GIGYF1: variants seen among roughly 807,000 people sequenced by gnomAD.
GIGYF1 encodes GRB10-interacting GYF protein 1.
A neutral mutation model predicts 147.1 loss-of-function variants in GIGYF1; 84 were observed. The observed-to-expected ratio is 0.57, with a 90% confidence interval of 0.48 to 0.68. The LOEUF (loss-of-function observed/expected upper bound fraction) is 0.68, where lower values mean the gene tolerates loss of function less well. Ranked by LOEUF, GIGYF1 falls within the 30% of genes least tolerant of loss-of-function variation. GIGYF1 has a pLI of 0.00. For synonymous variants in GIGYF1, 752 were observed against 589.5 expected, an observed-to-expected ratio of 1.28 and a Z score of -3.99; for missense variants, 1,485 against 1,393.7, an observed-to-expected ratio of 1.07 and a Z score of -1.04.
intron 21 of GIGYF1, 37 bp from the exon 22 acceptor site, chr7:100,683,267 T>C: frequency 2.5e-6 from 4 of 1,613,446 alleles, no homozygotes; most frequent in Non-Finnish European, 1.7e-6. Flanking sequence ...CTGGCGAGGG[T>C]TGTCCACCCA....
At chr7:100,692,172 G>C (rs1458997625) in intron 1 of GIGYF1, among the ~76,000 whole-genome samples, 1 of 152,208 alleles carries the variant, frequency 6.6e-6, no homozygotes, top group Non-Finnish European at 1.5e-5. Flanking sequence ...AGCGTGGTAG[G>C]GTGAGGACGC....
Position 100,688,199 on chromosome 7 carries a change from C to T in GIGYF1, c.35+5G>A. The T allele has an allele frequency of 6.2e-7, 1 of 1,612,320 alleles. No individual in the cohort carries two copies. ...TCCACGGCAGCCGAGGCACAAGTGA[C>T]TCACCACTCAGGCCCAAAGTTGAGT... is the stretch of plus-strand genomic sequence containing the variant. On this transcript the variant is annotated splice_donor_5th_base_variant and intron_variant, in intron 4 of 26. Coordinates refer to ENST00000678049, the MANE Select transcript of GIGYF1 (RefSeq NM_001375765.1).
Position 100,682,412 on chromosome 7 carries a change from GCTTCAGCAGCTTCTCTTCTTCCTCCGT to G in GIGYF1, c.2644_2670del (p.Thr882_Lys890del). On this transcript the variant is annotated inframe_deletion, in exon 24 of 27. Transcript: ENST00000678049. Reference sequence around the variant, plus strand: ...TGGGGCCTGGGAATGCCCTGCAGCAGCTTCAGCAGCTTCTCTTCTTCCTCCGTCTTTTTGCGAATGGGCCGACCCGAT... The same window carrying G: ...TGGGGCCTGGGAATGCCCTGCAGCAGCTTTTTGCGAATGGGCCGACCCGAT... 6.2e-7 allele frequency: 1 copy of G among 1,613,720 alleles called. No homozygotes were observed. Among genetic ancestry groups the G allele is most frequent in the Non-Finnish European group, 8.5e-7 (1 of 1,179,984 alleles).
chr7:100,686,711 C>CCCT lies in GIGYF1; in HGVS notation c.629_631dup (p.Glu210dup), dbSNP rs749519464. The CCCT allele has an allele frequency of 9.7e-5, 156 of 1,612,088 alleles. No individual in the cohort carries two copies. The highest frequency in any genetic ancestry group is 5.3e-4 in the African/African-American group (40 of 74,954). ...GGGCCCTGCTCCGAGCCTCCAGCTG[C>CCCT]CCTCCTCCTCCTCCTCCTGTTCCTC... On this transcript the variant is annotated inframe_insertion, in exon 10 of 27. Transcript: ENST00000678049.
In GIGYF1 at chr7:100,687,999, G is replaced by C. The variant is rs746091661; in HGVS notation, c.147C>G (p.Leu49=). 6.2e-7 allele frequency: 1 copy of C among 1,613,000 alleles called. No homozygotes were observed. The highest frequency in any genetic ancestry group is 1.7e-5 in the Admixed American group (1 of 59,950). Residue 49 remains leucine (L), a synonymous_variant, in exon 5 of 27, where the codon CTC becomes CTG. Transcript: ENST00000678049. ...CACCCACCTTGTTCTCCTTGACGTA[G>C]AGAGCCAGCATTTCCTCTCGCCCAT... The part of the protein sequence containing the change: ...YRYGREEMLA[L]YVKENKVPEE...
rs2131373066 is a variant in GIGYF1 at position 100,683,625 on chromosome 7, C to T, written c.1977G>A (p.Glu659=). The T allele has an allele frequency of 1.2e-6, 2 of 1,614,146 alleles. No individual in the cohort carries two copies. Among genetic ancestry groups the T allele is most frequent in the Non-Finnish European group, 1.7e-6 (2 of 1,179,948 alleles). The change falls in exon 20 of 27, where the codon GAG becomes GAA. Residue 659 remains glutamate, a synonymous_variant. Coordinates refer to ENST00000678049, the MANE Select transcript of GIGYF1 (RefSeq NM_001375765.1). Reference sequence around the variant, plus strand: ...TAATTGGTATGTCCCAAAGACTGGCCTCACCACCTGCAGGGGGCAGGGGGG... The same window carrying T: ...TAATTGGTATGTCCCAAAGACTGGCTTCACCACCTGCAGGGGGCAGGGGGG... ...HTSASSQSGG[E]ASLWDIPINS...
intron 8 of GIGYF1, 65 bp downstream of exon 8, chr7:100,687,233 G>C: frequency 6.6e-7 from 1 of 1,516,930 alleles, no homozygotes; most frequent in African/African-American, 1.4e-5. Context: ...ACCCTCTAGC[G>C]ACAGGGCCCA....
chr7:100,681,369 A>AAC lies in GIGYF1; in HGVS notation c.*349_*350insGT, dbSNP rs1804738634. 1 of 185,646 alleles carries AAC rather than the reference A, an allele frequency of 5.4e-6. No individual in the cohort carries two copies. Among genetic ancestry groups the AAC allele is most frequent in the Non-Finnish European group, 1.1e-5 (1 of 92,338 alleles). 11.5% of individuals were successfully genotyped at this position (185,646 alleles called of 1,614,324 possible). Reference sequence around the variant, plus strand: ...CATCTTTTTTTCTTAAAAAAAAAAAAAAAACCAAAAAACAAAAACCTCTGT... The same window carrying AAC: ...CATCTTTTTTTCTTAAAAAAAAAAAAACAAAACCAAAAAACAAAAACCTCTGT... On this transcript the variant is annotated 3_prime_UTR_variant, in exon 27 of 27. Coordinates refer to ENST00000678049, the MANE Select transcript of GIGYF1 (RefSeq NM_001375765.1).
chr7:100,693,759 C>A (rs982997262), intron 1 of GIGYF1, among the ~76,000 whole-genome samples: 1 of 151,650 alleles, frequency 6.6e-6, no homozygotes, highest in Non-Finnish European at 1.5e-5. Context: ...GAAGGCAGCG[C>A]GCCGGCCCGG....
At position 100,681,624 on chromosome 7, in the gene GIGYF1, T is replaced by G. The variant is rs1010739223; in HGVS notation, c.*95A>C. ...TGGGGACCCCGCCCCTGCCTCTTCCTGTGCTCTCTGCGGGGAGCCTGCAGG... is the reference window on the plus strand; with the variant it reads ...TGGGGACCCCGCCCCTGCCTCTTCCGGTGCTCTCTGCGGGGAGCCTGCAGG... On this transcript the variant is annotated 3_prime_UTR_variant, in exon 27 of 27. Coordinates refer to ENST00000678049, the MANE Select transcript of GIGYF1 (RefSeq NM_001375765.1). 9 of 1,229,382 alleles carry G rather than the reference T, an allele frequency of 7.3e-6. No homozygotes were observed. The East Asian group carries it at 1.3e-4, about 17-fold the overall frequency. 76.2% of individuals were successfully genotyped at this position (1,229,382 alleles called of 1,614,324 possible).
chr7:100,687,892 G>C lies in GIGYF1; in HGVS notation c.166-9C>G. ...TGCAGCTCTTCCGGGACCTGGCAGT[G>C]GGTTGGGACAGCCAAGACACCACAT... is the stretch of plus-strand genomic sequence containing the variant. On this transcript the variant is annotated splice_polypyrimidine_tract_variant and intron_variant, in intron 5 of 26. Coordinates refer to ENST00000678049, the MANE Select transcript of GIGYF1 (RefSeq NM_001375765.1). 1.9e-6 allele frequency: 3 copies of C among 1,613,606 alleles called. No homozygotes were observed. The highest frequency in any genetic ancestry group is 4.5e-5 in the East Asian group (2 of 44,880).
rs777433867 is a variant in GIGYF1 at position 100,687,848 on chromosome 7, C to T, written c.201G>A (p.Ala67=). 1.2e-5 allele frequency: 19 copies of T among 1,612,902 alleles called. No homozygotes were observed. Among genetic ancestry groups the T allele is most frequent in the East Asian group, 2.2e-5 (1 of 44,884 alleles). ...GCTGCAGTGGCTCGTCCTGCAGCAC[C>T]GCGGCGAACTCCTTGTCCTGCAGCT... is the stretch of plus-strand genomic sequence containing the variant. The part of the protein sequence containing the change: ...PEELQDKEFA[A]VLQDEPLQPL... The change falls in exon 6 of 27, where the codon GCG becomes GCA. Residue 67 remains alanine (A), a synonymous_variant. Coordinates refer to ENST00000678049, the MANE Select transcript of GIGYF1 (RefSeq NM_001375765.1).
intron 8 of GIGYF1, 85 bp downstream of exon 8, chr7:100,687,213 G>T: frequency 6.8e-7 from 1 of 1,464,700 alleles, no homozygotes. Context: ...TTATCTGGTG[G>T]GCCTCTGTTA....
rs761660508 is a variant in GIGYF1, at chr7:100,687,284, C to G, written c.482+14G>C. On this transcript the variant is annotated intron_variant, in intron 8 of 26. Transcript: ENST00000678049. ...GCCTGCCCGGCTCTGCGCCATGCCC[C>G]CTCCCCGCCCCACCTGTCATCCCAG... 6 of 1,609,408 alleles carry G rather than the reference C, an allele frequency of 3.7e-6. No homozygotes were observed. In the African/African-American group the frequency reaches 5.3e-5, roughly 14 times the overall value.
chr7:100,685,313 AC>A (rs776830155), intron 13 of GIGYF1, 30 bp downstream of exon 13: 499 of 1,564,228 alleles, frequency 3.2e-4, no homozygotes, highest in Non-Finnish European at 4.3e-4. Context: ...GCCCCAGCGC[AC>A]CCGGGAGGTA....
At position 100,687,285 on chromosome 7, in the gene GIGYF1, CT is replaced by C; in HGVS notation, c.482+12del. ...CCTGCCCGGCTCTGCGCCATGCCCC[CT>C]CCCCGCCCCACCTGTCATCCCAGCT... On this transcript the variant is annotated intron_variant, in intron 8 of 26. Transcript: ENST00000678049. 1 of 1,609,834 alleles carries C rather than the reference CT, an allele frequency of 6.2e-7. No individual in the cohort carries two copies. Among genetic ancestry groups the C allele is most frequent in the Non-Finnish European group, 8.5e-7 (1 of 1,177,740 alleles).
At position 100,680,106 on chromosome 7, in the gene GIGYF1, G is replaced by A. The variant is rs1267948576; in HGVS notation, c.*1613C>T. 6.9e-6 allele frequency: 1 copy of A among 145,876 alleles called. No homozygotes were observed. The highest frequency in any genetic ancestry group is 1.5e-5 in the Non-Finnish European group (1 of 66,930). 9.0% of individuals were successfully genotyped at this position (145,876 alleles called of 1,614,324 possible). A position where few individuals can be genotyped will look rare whatever the true frequency, so the allele number is the denominator to read the frequency against. On this transcript the variant is annotated 3_prime_UTR_variant, in exon 27 of 27. Transcript: ENST00000678049. ...TGGGAACCAGGGAGAGGCAGGTGGG[G>A]GCCCCCCACCCCGAGGCCAGCTTGA...
At position 100,684,853 on chromosome 7, in the gene GIGYF1, CAAG is replaced by C; in HGVS notation, c.1329_1331del (p.Leu444del). The C allele has an allele frequency of 6.2e-7, 1 of 1,605,220 alleles. No individual in the cohort carries two copies. Among genetic ancestry groups the C allele is most frequent in the Non-Finnish European group, 8.5e-7 (1 of 1,175,178 alleles). On this transcript the variant is annotated inframe_deletion, in exon 15 of 27. Transcript: ENST00000678049. Reference sequence around the variant, plus strand: ...TGGCAGCCGTGAACTGCTCCTCCTCCAAGGAGCTGTCCTGCAGGGAGGCCACCA... The same window carrying C: ...TGGCAGCCGTGAACTGCTCCTCCTCCGAGCTGTCCTGCAGGGAGGCCACCA...
At position 100,688,585 on chromosome 7, in the gene GIGYF1, G is replaced by A. The variant is rs1402427558; in HGVS notation, c.-135+7C>T. On this transcript the variant is annotated splice_region_variant and intron_variant, in intron 2 of 26. Transcript: ENST00000678049. The stretch of plus-strand genomic sequence containing the variant: ...AGCAGGGCAACCACCCTTGGCCCGG[G>A]GCTCACCTGGCAGCCTGGCCCGGGA... 3 of 544,642 alleles carry A rather than the reference G, an allele frequency of 5.5e-6. No homozygotes were observed. Among genetic ancestry groups the A allele is most frequent in the Non-Finnish European group, 3.5e-6 (1 of 284,812 alleles). 33.7% of individuals were successfully genotyped at this position (544,642 alleles called of 1,614,324 possible). A position where few individuals can be genotyped will look rare whatever the true frequency, so the allele number is the denominator to read the frequency against.
Sources: gnomAD v4.1 joint callset for allele counts (sites outside exome capture counted in the v4.1 genomes callset) on GRCh38, gnomAD v4.1.1 for gene constraint, MANE v1.5 for transcripts, NCBI Gene and HGNC (gene_info 2026-07-23, HGNC 2026-07-21) for gene names.